Variants in NDFIP1 observed in about 807,000 individuals in gnomAD.
NDFIP1 encodes the protein Nedd4 family interacting protein 1.
In NDFIP1, 7 loss-of-function variants were observed where a neutral mutation model predicts 28.8. The observed-to-expected ratio is 0.24, with a 90% CI of 0.14 to 0.46. The LOEUF is 0.46. Among genes scored for constraint, NDFIP1 ranks in the 20% least tolerant of loss-of-function variants. NDFIP1 has a pLI of 0.99. For missense variants in NDFIP1, 194 were observed against 269.1 expected, an observed-to-expected ratio of 0.72 and a Z score of 1.95; for synonymous variants, 92 against 101.0, an observed-to-expected ratio of 0.91 and a Z score of 0.53.
At chr5:142,133,434 A>G (rs6899260) in intron 3 of NDFIP1, among the ~76,000 whole-genome samples, 13,829 of 152,274 alleles carry the variant, frequency 0.091, 842 homozygotes, top group African/African-American at 0.17. Flanking sequence ...GGTAGAGATT[A>G]TATTATCTCC....
At position 142,108,802 on chromosome 5, in the gene NDFIP1, G is replaced by C. The variant is rs1045644163; in HGVS notation, c.-173G>C. 8 of 465,794 alleles carry C rather than the reference G, an allele frequency of 1.7e-5. No homozygotes were observed. Among genetic ancestry groups the C allele is most frequent in the Non-Finnish European group, 2.8e-5 (8 of 281,658 alleles). 28.9% of individuals were successfully genotyped at this position (465,794 alleles called of 1,614,324 possible). On this transcript the variant is annotated 5_prime_UTR_variant, in exon 1 of 8. Transcript: ENST00000253814. ...CCAGGGGCCGCGTCGGAGCCTCGGC[G>C]GCGGCGGCGGTGCTTACAGCCTGAG...
At chr5:142,114,219 T>G (rs920252880) in intron 1 of NDFIP1, among the ~76,000 whole-genome samples, 7 of 152,184 alleles carry the variant, frequency 4.6e-5, no homozygotes, top group African/African-American at 1.7e-4. Flanking sequence ...ATACTTGTTA[T>G]GTTCTCTTTT....
intron 6 of NDFIP1, chr5:142,143,009 T>C (rs937297261): frequency 4.8e-5 from 7 of 145,292 alleles, no homozygotes; most frequent in African/African-American, 1.8e-4. Flanking sequence ...TTGTGCCCAA[T>C]ATTCGGGTCA....
intron 6 of NDFIP1, among the ~76,000 whole-genome samples, chr5:142,141,274 C>G (rs1181675554): frequency 7.0e-6 from 1 of 142,518 alleles, no homozygotes; most frequent in African/African-American, 2.6e-5. Flanking sequence ...CTCCCGGGTT[C>G]ACACCATTCT....
intron 5 of NDFIP1, 97 bp from the exon 6 acceptor site, chr5:142,140,466 G>C: frequency 1.4e-6 from 1 of 690,464 alleles, no homozygotes; most frequent in Non-Finnish European, 2.2e-6. Context: ...AAAAAAAAAA[G>C]AATAAGTCTT....
At position 142,132,234 on chromosome 5, in the gene NDFIP1, G is replaced by A. The variant is rs11547552; in HGVS notation, c.174G>A (p.Glu58=). ...CAGCATATTTTGACTACAAGGATGAGTCTGGGTTTCCAAAGCCCCCATCTT... is the reference window on the plus strand; with the variant it reads ...CAGCATATTTTGACTACAAGGATGAATCTGGGTTTCCAAAGCCCCCATCTT... ...ESAAYFDYKD[E]SGFPKPPSYN... is the part of the protein sequence containing the mutation. Residue 58 remains glutamate (E), a synonymous_variant, in exon 3 of 8, where the codon GAG becomes GAA. Transcript: ENST00000253814. The A allele has an allele frequency of 1.9e-6, 3 of 1,613,394 alleles. No homozygotes were observed. The highest frequency in any genetic ancestry group is 2.2e-5 in the East Asian group (1 of 44,870).
intron 1 of NDFIP1, among the ~76,000 whole-genome samples, chr5:142,112,838 T>TA (rs1757028946): frequency 6.6e-6 from 1 of 152,062 alleles, no homozygotes; most frequent in South Asian, 2.1e-4. Flanking sequence ...TATTTTATTT[T>TA]TTTTTTCATT....
intron 6 of NDFIP1, chr5:142,144,053 G>C (rs139653051): frequency 6.6e-6 from 1 of 151,846 alleles, no homozygotes; most frequent in Non-Finnish European, 1.5e-5. Context: ...AAGTTGAGAC[G>C]ATGAGAATTG....
intron 4 of NDFIP1, among the ~76,000 whole-genome samples, chr5:142,137,254 G>C (rs924557774): frequency 3.9e-5 from 6 of 152,038 alleles, no homozygotes; most frequent in Admixed American, 1.3e-4. Flanking sequence ...TTGACTTCCT[G>C]GGCTCAAGTG....
chr5:142,129,824 T>C (rs1419546972), intron 1 of NDFIP1, among the ~76,000 whole-genome samples: 1 of 150,806 alleles, frequency 6.6e-6, no homozygotes, highest in East Asian at 2.0e-4. Context: ...GGCAACAGAA[T>C]TGCTTGAACC....
chr5:142,112,246 G>A (rs930200371), intron 1 of NDFIP1, among the ~76,000 whole-genome samples: 2 of 151,538 alleles, frequency 1.3e-5, no homozygotes, highest in Non-Finnish European at 2.9e-5. Context: ...TTAGCTGGGC[G>A]TGGTGGCGTG....
rs1277067044 is a variant in NDFIP1, at chr5:142,153,458, C to T, written c.*1730C>T. The T allele has an allele frequency of 6.6e-6, 3 of 455,582 alleles. No homozygotes were observed. The highest frequency in any genetic ancestry group is 1.3e-5 in the Non-Finnish European group (3 of 226,088). The allele number at this position is 455,582 out of a possible 1,614,324, so 28.2% of individuals were successfully genotyped here. ...ACAGAAGTGTGGGTTGTTTGAAAGC[C>T]AAACAGGAAAATTAGGAGCCTCCTG... On this transcript the variant is annotated 3_prime_UTR_variant, in exon 8 of 8. Coordinates refer to ENST00000253814, the MANE Select transcript of NDFIP1 (RefSeq NM_030571.4).
chr5:142,127,455 C>T (rs932501187), intron 1 of NDFIP1, among the ~76,000 whole-genome samples: 2 of 152,078 alleles, frequency 1.3e-5, no homozygotes, highest in African/African-American at 2.4e-5. Context: ...CTGCTCAGCA[C>T]ATAGAAGGGA....
intron 5 of NDFIP1, among the ~76,000 whole-genome samples, chr5:142,139,557 C>T (rs1757307726): frequency 6.6e-6 from 1 of 152,122 alleles, no homozygotes; most frequent in Admixed American, 6.6e-5. Context: ...TTTCTACCAC[C>T]TTTAGAAAGA....
At chr5:142,141,398 G>A (rs191305750) in intron 6 of NDFIP1, among the ~76,000 whole-genome samples, 2 of 151,742 alleles carry the variant, frequency 1.3e-5, no homozygotes, top group South Asian at 2.1e-4. Context: ...GGATGGTCTC[G>A]ATCTCCTGAC....
intron 1 of NDFIP1, among the ~76,000 whole-genome samples, chr5:142,120,098 G>A (rs1182088764): frequency 6.6e-6 from 1 of 152,158 alleles, no homozygotes; most frequent in Admixed American, 6.5e-5. Flanking sequence ...TGGGATTACA[G>A]GCACGCACCA....
intron 1 of NDFIP1, among the ~76,000 whole-genome samples, chr5:142,119,212 A>G (rs552088375): frequency 6.5e-4 from 99 of 152,266 alleles, no homozygotes; most frequent in African/African-American, 2.3e-3. Flanking sequence ...CCCCTTATCT[A>G]TAAACTCCCA....
intron 1 of NDFIP1, among the ~76,000 whole-genome samples, chr5:142,127,366 A>C (rs1757180809): frequency 6.6e-6 from 1 of 152,154 alleles, no homozygotes; most frequent in Non-Finnish European, 1.5e-5. Context: ...AAGGTCATCA[A>C]GGCCAAAGGC....
intron 5 of NDFIP1, 144 bp downstream of exon 5, chr5:142,138,002 C>A: frequency 9.8e-7 from 1 of 1,024,064 alleles, no homozygotes; most frequent in Non-Finnish European, 1.4e-6. Context: ...CATGATGAAG[C>A]TGAACCAAAA....
Sources: gnomAD v4.1 joint callset for allele counts (sites outside exome capture counted in the v4.1 genomes callset) on GRCh38, gnomAD v4.1.1 for gene constraint, MANE v1.5 for transcripts, NCBI Gene and HGNC (gene_info 2026-07-23, HGNC 2026-07-21) for gene names.